CYP7B1: variants seen among roughly 807,000 people sequenced by gnomAD.
CYP7B1 encodes the protein cytochrome P450 family 7 subfamily B member 1.
A neutral mutation model predicts 42.7 loss-of-function variants in CYP7B1; 29 were observed. The ratio of observed to expected loss-of-function variants is 0.68; its 90% CI spans 0.51 to 0.93. The LOEUF is 0.93. Among genes scored for constraint, CYP7B1 ranks in the 40% least tolerant of loss-of-function variants. The pLI is 0.00. For missense variants in CYP7B1, 655 were observed against 600.5 expected, an observed-to-expected ratio of 1.09 and a Z score of -0.95; for synonymous variants, 235 against 218.2, an observed-to-expected ratio of 1.08 and a Z score of -0.68.
chr8:64,624,573 A>G (rs768631915), intron 1 of CYP7B1, 34 bp from the exon 2 acceptor site: 1 of 1,609,770 alleles, frequency 6.2e-7, no homozygotes, highest in African/African-American at 1.3e-5. Flanking sequence ...AAAGAACAAA[A>G]GAAAAATCAA....
intron 1 of CYP7B1, among the ~76,000 whole-genome samples, chr8:64,710,469 GTAAATACTGTT>G (rs1807064267): frequency 1.3e-5 from 2 of 152,138 alleles, no homozygotes; most frequent in South Asian, 4.1e-4. Flanking sequence ...CATTCATGGA[GTAAATACTGTT>G]TAAGTAGCTC....
At chr8:64,698,933 T>C (rs1164885440) in intron 1 of CYP7B1, among the ~76,000 whole-genome samples, 3 of 152,194 alleles carry the variant, frequency 2.0e-5, no homozygotes. Flanking sequence ...AGGTTCTTAA[T>C]ATTGCAAACA....
intron 1 of CYP7B1, among the ~76,000 whole-genome samples, chr8:64,662,071 C>T (rs1806206638): frequency 6.6e-6 from 1 of 151,420 alleles, no homozygotes; most frequent in African/African-American, 2.4e-5. Flanking sequence ...TGGCTAGTCA[C>T]TTTGCTTTCA....
At chr8:64,658,435 T>C (rs1395226226) in intron 1 of CYP7B1, among the ~76,000 whole-genome samples, 1 of 152,170 alleles carries the variant, frequency 6.6e-6, no homozygotes, top group African/African-American at 2.4e-5. Context: ...CTTTGAACAG[T>C]GCTTGCCTCT....
chr8:64,762,826 AT>A (rs1483794559), intron 1 of CYP7B1, among the ~76,000 whole-genome samples: 1 of 152,194 alleles, frequency 6.6e-6, no homozygotes, highest in Non-Finnish European at 1.5e-5. Context: ...TACCTATTTT[AT>A]TATTCATTGT....
chr8:64,724,901 C>T (rs745885883), intron 1 of CYP7B1, among the ~76,000 whole-genome samples: 1 of 152,204 alleles, frequency 6.6e-6, no homozygotes, highest in African/African-American at 2.4e-5. Context: ...AGAAATATTA[C>T]TCTAACCTTC....
At chr8:64,750,577 A>G (rs1408445923) in intron 1 of CYP7B1, among the ~76,000 whole-genome samples, 3 of 152,220 alleles carry the variant, frequency 2.0e-5, no homozygotes, top group Non-Finnish European at 4.4e-5. Context: ...CTTTAAGTAC[A>G]GTAGATATTG....
intron 2 of CYP7B1, 35 bp from the exon 3 acceptor site, chr8:64,616,316 CGTTT>C: frequency 1.5e-6 from 2 of 1,304,116 alleles, no homozygotes; most frequent in African/African-American, 1.5e-5. Context: ...AATATGAGTT[CGTTT>C]GTTAATAAAA....
intron 1 of CYP7B1, among the ~76,000 whole-genome samples, chr8:64,740,636 A>G (rs1312159978): frequency 2.0e-5 from 3 of 151,984 alleles, no homozygotes; most frequent in East Asian, 1.9e-4. Flanking sequence ...CAGAGAAGAT[A>G]TAACTTGCCA....
At chr8:64,681,654 G>A (rs1007382147) in intron 1 of CYP7B1, among the ~76,000 whole-genome samples, 1 of 152,136 alleles carries the variant, frequency 6.6e-6, no homozygotes, top group Non-Finnish European at 1.5e-5. Context: ...CAAGTCTCTG[G>A]CCCATGACCA....
chr8:64,788,082 G>C (rs776010367), intron 1 of CYP7B1, among the ~76,000 whole-genome samples: 1 of 152,166 alleles, frequency 6.6e-6, no homozygotes, highest in Non-Finnish European at 1.5e-5. Context: ...TTCAAGATGA[G>C]ATTTGGGTTG....
intron 1 of CYP7B1, among the ~76,000 whole-genome samples, chr8:64,795,320 A>T (rs1263471263): frequency 6.6e-6 from 1 of 152,252 alleles, no homozygotes; most frequent in Admixed American, 6.5e-5. Context: ...GGAGTGTAAA[A>T]TATTTTCCTC....
chr8:64,768,962 G>GT (rs1261317268), intron 1 of CYP7B1, among the ~76,000 whole-genome samples: 1 of 152,028 alleles, frequency 6.6e-6, no homozygotes, highest in Non-Finnish European at 1.5e-5. Flanking sequence ...CTACACATCA[G>GT]TTTTTTTATG....
chr8:64,759,338 A>C (rs1424624781), intron 1 of CYP7B1, among the ~76,000 whole-genome samples: 1 of 152,212 alleles, frequency 6.6e-6, no homozygotes, highest in Non-Finnish European at 1.5e-5. Context: ...CTAGTCCCTG[A>C]AACAATTCTG....
chr8:64,712,259 G>A (rs1807091885), intron 1 of CYP7B1, among the ~76,000 whole-genome samples: 1 of 151,160 alleles, frequency 6.6e-6, no homozygotes, highest in Non-Finnish European at 1.5e-5. Context: ...CAAAATTATA[G>A]ATCCATCAGC....
chr8:64,773,289 C>A (rs1400798830), intron 1 of CYP7B1, among the ~76,000 whole-genome samples: 1 of 152,134 alleles, frequency 6.6e-6, no homozygotes, highest in East Asian at 1.9e-4. Flanking sequence ...TTCTGCTCAT[C>A]AGCTTTAATT....
chr8:64,746,967 A>C (rs1807652410), intron 1 of CYP7B1, among the ~76,000 whole-genome samples: 1 of 151,694 alleles, frequency 6.6e-6, no homozygotes, highest in Admixed American at 6.6e-5. Flanking sequence ...ACAAAGTATG[A>C]TTATAAAAAT....
intron 1 of CYP7B1, among the ~76,000 whole-genome samples, chr8:64,625,318 G>T (rs553504239): frequency 2.6e-5 from 4 of 152,248 alleles, no homozygotes; most frequent in African/African-American, 9.6e-5. Flanking sequence ...GCAATTTTTT[G>T]AAGGAATTGT....
chr8:64,595,636 T>C lies in CYP7B1; in HGVS notation c.*1006A>G, dbSNP rs1163345533. ...ACTCTCTCAATTGAAAAAAAATCTT[T>C]GAATTATTGACACAATGCTGCATGT... is the stretch of plus-strand genomic sequence containing the variant. On this transcript the variant is annotated 3_prime_UTR_variant, in exon 6 of 6. Transcript: ENST00000310193. Among the ~76,000 whole-genome samples, 2 of 152,188 alleles carry C rather than the reference T, an allele frequency of 1.3e-5. No individual in the cohort carries two copies. Among genetic ancestry groups the C allele is most frequent in the Admixed American group, 6.5e-5 (1 of 15,280 alleles).
Sources: allele counts gnomAD v4.1 joint callset (sites outside exome capture counted in the v4.1 genomes callset), GRCh38; gene constraint gnomAD v4.1.1; transcripts MANE v1.5; gene names NCBI Gene and HGNC (gene_info 2026-07-23, HGNC 2026-07-21).